Variants in SLC30A5 observed in about 807,000 individuals in gnomAD.
SLC30A5 encodes the protein proton-coupled zinc antiporter SLC30A5.
Under a neutral mutation model 79.6 loss-of-function variants are expected in SLC30A5, and 33 were observed. The observed-to-expected ratio is 0.41, with a 90% CI of 0.31 to 0.55. The LOEUF is 0.55. Ranked by LOEUF, SLC30A5 falls within the 20% of genes least tolerant of loss-of-function variation. SLC30A5 has a pLI of 0.20. For synonymous variants in SLC30A5, 299 were observed against 319.7 expected (o/e 0.94, Z 0.69); for missense variants, 788 against 928.1 (o/e 0.85, Z 1.96).
At chr5:69,100,607 T>C (rs1000822192) in intron 1 of SLC30A5, among the ~76,000 whole-genome samples, 200 bp from the exon 2 acceptor site, 9 of 49,402 alleles carry the variant, frequency 1.8e-4, no homozygotes, top group Non-Finnish European at 3.3e-4. Flanking sequence ...CCCGTCTCTA[T>C]GAGTTAAAAA....
chr5:69,127,891 A>T lies in SLC30A5; in HGVS notation c.1999-113A>T. ...TTTGTTTTGTATTTTAAAGAGCTTA[A>T]TAGTGATCCTGGACCAAGGAATCTG... On this transcript the variant is annotated intron_variant, in intron 14 of 15. Coordinates refer to ENST00000396591, the MANE Select transcript of SLC30A5 (RefSeq NM_022902.5). 4.6e-6 allele frequency: 4 copies of T among 860,804 alleles called. No individual in the cohort carries two copies. The South Asian group carries it at 6.5e-5, about 14-fold the overall frequency. The allele number at this position is 860,804 out of a possible 1,614,324, so 53.3% of individuals were successfully genotyped here.
intron 7 of SLC30A5, 39 bp downstream of exon 7, chr5:69,114,535 G>T: frequency 7.9e-7 from 1 of 1,264,746 alleles, no homozygotes; most frequent in Non-Finnish European, 1.2e-6. Flanking sequence ...AAAAGATTCT[G>T]AAAAGTTGTA....
chr5:69,095,474 A>G (rs1363256723), intron 1 of SLC30A5, among the ~76,000 whole-genome samples: 1 of 152,046 alleles, frequency 6.6e-6, no homozygotes, highest in East Asian at 1.9e-4. Flanking sequence ...TGCCGGGATT[A>G]CAGGCATGAG....
In SLC30A5 at chr5:69,117,215, CTT is replaced by C. The variant is rs3840519; in HGVS notation, c.1282-16_1282-15del. 106 of 1,553,582 alleles carry C rather than the reference CTT, an allele frequency of 6.8e-5. 1 individual carries two copies. Among genetic ancestry groups the C allele is most frequent in the Non-Finnish European group, 8.3e-5 (94 of 1,136,908 alleles). ...GAAACAGTGCCCAACATACTCCTCC[CTT>C]TTTTTTTGGTGACATTTTTAGCTTT... On this transcript the variant is annotated intron_variant, in intron 10 of 15. Transcript: ENST00000396591.
chr5:69,102,947 G>A (rs554918612), intron 2 of SLC30A5, 115 bp from the exon 3 acceptor site: 3 of 502,254 alleles, frequency 6.0e-6, no homozygotes, highest in Non-Finnish European at 1.1e-5. Context: ...GATTTATTCA[G>A]AGGATAACAC....
At chr5:69,098,653 TG>T (rs1745815872) in intron 1 of SLC30A5, among the ~76,000 whole-genome samples, 1 of 152,216 alleles carries the variant, frequency 6.6e-6, no homozygotes. Flanking sequence ...GCACTATACA[TG>T]GGGTTTTAAA....
chr5:69,100,086 A>G (rs1037152473), intron 1 of SLC30A5, among the ~76,000 whole-genome samples: 1 of 152,152 alleles, frequency 6.6e-6, no homozygotes, highest in Admixed American at 6.5e-5. Context: ...CTCTTGCCTC[A>G]GCCTCCCAGG....
chr5:69,113,073 T>G, intron 5 of SLC30A5, 67 bp from the exon 6 acceptor site: 1 of 1,238,498 alleles, frequency 8.1e-7, no homozygotes, highest in Non-Finnish European at 1.2e-6. Flanking sequence ...TTAGTATTTA[T>G]GTAGTTACGG....
chr5:69,129,343 A>C (rs1245448497), intron 15 of SLC30A5, 104 bp from the exon 16 acceptor site: 1 of 798,960 alleles, frequency 1.3e-6, no homozygotes, highest in South Asian at 2.9e-5. Flanking sequence ...TCGTATTTTC[A>C]GATTAAAGAT....
chr5:69,115,276 G>A lies in SLC30A5; in HGVS notation c.652G>A (p.Val218Ile). The stretch of plus-strand genomic sequence containing the variant: ...GCTAGTACTGGCTTTGTGTTGTAAA[G>A]TTGGTTTTCATACAGCTTCCAGAAA... Reference protein sequence around the residue: ...LLLVLALCCKVGFHTASRKLS... With the variant: ...LLLVLALCCKIGFHTASRKLS... Residue 218 changes from valine to isoleucine, a missense_variant, in exon 8 of 16, where the codon GTT (valine) becomes ATT (isoleucine). By Grantham distance (29) the Val-to-Ile change is conservative. This residue lies in a region of SLC30A5 where 626 missense variants were observed against 755.5 expected (regional missense o/e 0.83). Coordinates refer to ENST00000396591, the MANE Select transcript of SLC30A5 (RefSeq NM_022902.5). 3 of 1,613,156 alleles carry A rather than the reference G, an allele frequency of 1.9e-6. No homozygotes were observed. Among genetic ancestry groups the A allele is most frequent in the Non-Finnish European group, 2.5e-6 (3 of 1,179,508 alleles).
intron 1 of SLC30A5, among the ~76,000 whole-genome samples, chr5:69,099,520 G>C (rs1336474806): frequency 6.6e-6 from 1 of 152,194 alleles, no homozygotes; most frequent in Non-Finnish European, 1.5e-5. Context: ...ATAGTTGCCT[G>C]CCTGCTGGGT....
rs553165238 is a variant in SLC30A5, at chr5:69,124,847, G to A, written c.1998+1422G>A. Reference sequence around the variant, plus strand: ...GGCCTCCCAAAGTGCTGGGATTACAGGTGTGAGCCACTGCACCCCGCCAGA... The same window carrying A: ...GGCCTCCCAAAGTGCTGGGATTACAAGTGTGAGCCACTGCACCCCGCCAGA... On this transcript the variant is annotated intron_variant, in intron 14 of 15. Transcript: ENST00000396591. 1.4e-3 allele frequency among the ~76,000 whole-genome samples: 210 copies of A among 152,262 alleles called. 1 individual carries two copies. The highest frequency in any genetic ancestry group is 4.9e-3 in the African/African-American group (202 of 41,568).
intron 4 of SLC30A5, among the ~76,000 whole-genome samples, chr5:69,107,329 G>A (rs924566426): frequency 5.3e-5 from 8 of 152,092 alleles, no homozygotes; most frequent in African/African-American, 1.9e-4. Context: ...TTCTTCTGGG[G>A]TACCTCCTGA....
intron 1 of SLC30A5, among the ~76,000 whole-genome samples, chr5:69,100,463 A>C (rs1486893180): frequency 6.6e-6 from 1 of 152,028 alleles, no homozygotes; most frequent in Non-Finnish European, 1.5e-5. Flanking sequence ...GTCTCAAGCT[A>C]CTGCACCTGG....
chr5:69,117,105 A>G, intron 10 of SLC30A5, 134 bp from the exon 11 acceptor site: 1 of 636,578 alleles, frequency 1.6e-6, no homozygotes, highest in Non-Finnish European at 2.7e-6. Context: ...TAGGGTTTCT[A>G]ATGTAAGTGG....
Position 69,115,426 on chromosome 5 carries a change from T to A in SLC30A5, c.783+19T>A, listed in dbSNP as rs766887118. 6.3e-7 allele frequency: 1 copy of A among 1,586,484 alleles called. No homozygotes were observed. Among genetic ancestry groups the A allele is most frequent in the Non-Finnish European group, 8.6e-7 (1 of 1,160,754 alleles). On this transcript the variant is annotated intron_variant, in intron 8 of 15. Coordinates refer to ENST00000396591, the MANE Select transcript of SLC30A5 (RefSeq NM_022902.5). ...AACTGAGGTAAGATAAGAGCAAGAA[T>A]TTATTGGTATTAAATTGCTAGTAAA... is the stretch of plus-strand genomic sequence containing the variant.
intron 12 of SLC30A5, among the ~76,000 whole-genome samples, chr5:69,119,878 G>A (rs151178685): frequency 0.027 from 4,112 of 151,908 alleles, 183 homozygotes; most frequent in African/African-American, 0.093. Context: ...AAATTAGCCG[G>A]GCATGATGGC....
At chr5:69,115,503 A>T in intron 8 of SLC30A5, 96 bp downstream of exon 8, 1 of 1,035,394 alleles carries the variant, frequency 9.7e-7, no homozygotes, top group Non-Finnish European at 1.4e-6. Flanking sequence ...TTATATTTTA[A>T]TTTGAGGTTG....
Position 69,116,307 on chromosome 5 carries a change from G to A in SLC30A5, c.1073-87G>A. ...TACTTATTTTGGGAAATTCTTCAGT[G>A]CTTGCATTTAGTGCCGACAGTTACT... On this transcript the variant is annotated intron_variant, in intron 9 of 15. Coordinates refer to ENST00000396591, the MANE Select transcript of SLC30A5 (RefSeq NM_022902.5). The surrounding 1 kb of genome is among the most constrained non-coding windows in gnomAD (Gnocchi z 4.0). 6.7e-7 allele frequency: 1 copy of A among 1,496,584 alleles called. No homozygotes were observed. Among genetic ancestry groups the A allele is most frequent in the Non-Finnish European group, 9.0e-7 (1 of 1,115,606 alleles). 92.7% of individuals were successfully genotyped at this position (1,496,584 alleles called of 1,614,324 possible).
Sources: gnomAD v4.1 joint callset for allele counts (sites outside exome capture counted in the v4.1 genomes callset) on GRCh38, gnomAD v4.1.1 for gene constraint, gnomAD v4.1.1 regional missense constraint, Gnocchi (gnomAD v3.1) non-coding constraint, MANE v1.5 for transcripts, NCBI Gene and HGNC (gene_info 2026-07-23, HGNC 2026-07-21) for gene names.